NRG3: variants seen among roughly 807,000 people sequenced by gnomAD.
NRG3 encodes the protein neuregulin 3.
A neutral mutation model predicts 66.9 loss-of-function variants in NRG3; 31 were observed. That is an observed-to-expected ratio of 0.46 (90% CI 0.35 to 0.63). The LOEUF is 0.63. Among genes scored for constraint, NRG3 ranks in the 20% least tolerant of loss-of-function variants. NRG3 has a pLI of 0.00. For missense variants in NRG3, 910 were observed against 878.9 expected (o/e 1.04, Z -0.45); for synonymous variants, 393 against 359.4 (o/e 1.09, Z -1.06).
chr10:82,597,064 T>C (rs548446805), intron 2 of NRG3, among the ~76,000 whole-genome samples: 2 of 152,284 alleles, frequency 1.3e-5, no homozygotes, highest in African/African-American at 4.8e-5. Flanking sequence ...CCTTACCATA[T>C]GCGTTTTAAC....
At chr10:82,493,678 T>C (rs576656355) in intron 2 of NRG3, among the ~76,000 whole-genome samples, 1 of 152,234 alleles carries the variant, frequency 6.6e-6, no homozygotes, top group East Asian at 1.9e-4. Context: ...ATTCAGGACA[T>C]AGGGATGGGC....
At chr10:82,833,397 C>G (rs2062623644) in intron 3 of NRG3, among the ~76,000 whole-genome samples, 1 of 152,152 alleles carries the variant, frequency 6.6e-6, no homozygotes, top group Non-Finnish European at 1.5e-5. Flanking sequence ...GAGTGCGGTA[C>G]TGTTTCCCAC....
At chr10:82,138,887 G>A (rs190869825) in intron 1 of NRG3, among the ~76,000 whole-genome samples, 6 of 152,146 alleles carry the variant, frequency 3.9e-5, no homozygotes, top group African/African-American at 1.4e-4. Context: ...CTTTATTCTA[G>A]CCTTGTGGGC....
chr10:81,895,344 A>G (rs1303329619), intron 1 of NRG3, among the ~76,000 whole-genome samples: 1 of 152,178 alleles, frequency 6.6e-6, no homozygotes, highest in Non-Finnish European at 1.5e-5. Flanking sequence ...AGATAGATAC[A>G]TTCTAATAAC....
At chr10:82,967,540 T>G (rs923765639) in intron 6 of NRG3, among the ~76,000 whole-genome samples, 5 of 152,184 alleles carry the variant, frequency 3.3e-5, no homozygotes, top group Non-Finnish European at 7.3e-5. Context: ...GGCGGTGCAT[T>G]TGGGCGGTAG....
intron 2 of NRG3, among the ~76,000 whole-genome samples, chr10:82,571,803 A>G (rs2045752178): frequency 6.6e-6 from 1 of 151,734 alleles, no homozygotes; most frequent in African/African-American, 2.4e-5. Flanking sequence ...CCCATGGTGA[A>G]TAACTAGTGA....
At chr10:82,010,714 G>A (rs1007065961) in intron 1 of NRG3, among the ~76,000 whole-genome samples, 2 of 152,158 alleles carry the variant, frequency 1.3e-5, no homozygotes, top group African/African-American at 4.8e-5. Context: ...CGGGTGTTTT[G>A]AGAGCCAGCA....
chr10:82,716,522 C>T (rs540786525), intron 2 of NRG3, among the ~76,000 whole-genome samples: 1 of 152,242 alleles, frequency 6.6e-6, no homozygotes, highest in South Asian at 2.1e-4. Context: ...GTGGCCCCAT[C>T]GAGGTCCTGT....
At chr10:82,714,382 C>T (rs2056852227) in intron 2 of NRG3, among the ~76,000 whole-genome samples, 1 of 152,168 alleles carries the variant, frequency 6.6e-6, no homozygotes, top group South Asian at 2.1e-4. Context: ...TGAGCAGCTG[C>T]AGAAAGCAGC....
chr10:82,976,359 C>T (rs1040051803), intron 7 of NRG3, among the ~76,000 whole-genome samples: 1 of 151,910 alleles, frequency 6.6e-6, no homozygotes, highest in South Asian at 2.1e-4. Flanking sequence ...CCCCACCATG[C>T]CACTTATAAA....
intron 2 of NRG3, among the ~76,000 whole-genome samples, chr10:82,476,361 C>T (rs1841783967): frequency 6.6e-6 from 1 of 152,084 alleles, no homozygotes; most frequent in Admixed American, 6.6e-5. Context: ...TAGGTATATA[C>T]TCGAAATAAT....
Position 82,556,858 on chromosome 10 carries a change from A to G in NRG3, c.954-181719A>G, listed in dbSNP as rs150477611. On this transcript the variant is annotated intron_variant, in intron 2 of 8. Coordinates refer to ENST00000372141, the MANE Select transcript of NRG3 (RefSeq NM_001010848.4). ...TTGCCTGTGTTCCTAAGTTCTCATC[A>G]TCTAGCTCCTACTTTTAAGTGAGAA... Among the ~76,000 whole-genome samples, 550 of 152,146 alleles carry G rather than the reference A, an allele frequency of 3.6e-3. 4 individuals carry two copies. Among genetic ancestry groups the G allele is most frequent in the African/African-American group, 0.013 (540 of 41,510 alleles).
intron 2 of NRG3, among the ~76,000 whole-genome samples, chr10:82,705,708 T>C (rs1401670051): frequency 1.3e-5 from 2 of 152,084 alleles, no homozygotes; most frequent in Non-Finnish European, 2.9e-5. Context: ...ACCATCTACA[T>C]GAAGGAGGAA....
chr10:82,902,889 T>C (rs1159366381), intron 4 of NRG3, among the ~76,000 whole-genome samples: 1 of 152,078 alleles, frequency 6.6e-6, no homozygotes. Context: ...TTTTATAATA[T>C]ATTGGAAAAT....
intron 3 of NRG3, 50 bp from the exon 4 acceptor site, chr10:82,865,361 C>A (rs1352137238): frequency 6.2e-7 from 1 of 1,604,604 alleles, no homozygotes; most frequent in South Asian, 1.1e-5. Context: ...CTTTTTCTAA[C>A]CTTTTTCTCT....
intron 2 of NRG3, among the ~76,000 whole-genome samples, chr10:82,622,067 A>G (rs1023213788): frequency 1.3e-5 from 2 of 152,196 alleles, no homozygotes; most frequent in Non-Finnish European, 2.9e-5. Context: ...ATTTATGTCC[A>G]TGTTTAACAT....
At chr10:82,083,468 T>C (rs2099430507) in intron 1 of NRG3, among the ~76,000 whole-genome samples, 1 of 152,124 alleles carries the variant, frequency 6.6e-6, no homozygotes, top group Admixed American at 6.6e-5. Context: ...TAGCCTTTCC[T>C]CCTGTGAACT....
At chr10:82,218,262 G>A (rs768504943) in intron 1 of NRG3, among the ~76,000 whole-genome samples, 4 of 152,122 alleles carry the variant, frequency 2.6e-5, no homozygotes, top group Admixed American at 2.0e-4. Flanking sequence ...ATAATATTAC[G>A]TGATTAGTCT....
At chr10:82,309,468 A>AC (rs202244070) in intron 1 of NRG3, among the ~76,000 whole-genome samples, 93 of 145,372 alleles carry the variant, frequency 6.4e-4, no homozygotes, top group African/African-American at 2.3e-3. Context: ...TTGCATTACA[A>AC]AAAAAAAAAA....
Sources: allele counts gnomAD v4.1 joint callset (sites outside exome capture counted in the v4.1 genomes callset), GRCh38; gene constraint gnomAD v4.1.1; transcripts MANE v1.5; gene names NCBI Gene and HGNC (gene_info 2026-07-23, HGNC 2026-07-21).